MRPS22: variants seen among roughly 807,000 people sequenced by gnomAD.
The protein encoded by MRPS22 is mitochondrial ribosomal protein S22.
MRPS22 carries 30 observed loss-of-function variants against 44.0 expected under a neutral mutation model. That is an observed-to-expected ratio of 0.68 (90% confidence interval 0.51 to 0.93). The LOEUF is 0.93. Ranked by LOEUF, MRPS22 falls within the 40% of genes least tolerant of loss-of-function variation. The pLI is 0.00. For synonymous variants in MRPS22, 165 were observed against 154.4 expected (o/e 1.07, Z -0.51); for missense variants, 447 against 447.8 (o/e 1.00, Z 0.02).
At chr3:139,352,833 C>T (rs1941179197) in intron 6 of MRPS22, 41 bp downstream of exon 6, 1 of 1,590,056 alleles carries the variant, frequency 6.3e-7, no homozygotes, top group South Asian at 1.1e-5. Flanking sequence ...ATTCTTATTG[C>T]TCTAACAGTT....
intron 6 of MRPS22, among the ~76,000 whole-genome samples, chr3:139,353,534 TG>T (rs1941188904): frequency 6.6e-6 from 1 of 152,106 alleles, no homozygotes; most frequent in Non-Finnish European, 1.5e-5. Flanking sequence ...ACCTTCAGAC[TG>T]TTAGTTTTTG....
At position 139,344,260 on chromosome 3, in the gene MRPS22, G is replaced by A. The variant is rs549504611; in HGVS notation, c.172+62G>A. On this transcript the variant is annotated intron_variant, in intron 1 of 7. Transcript: ENST00000680020. ...CTGGGAGACGTAGATCCTGTTTCTG[G>A]CAGGCGAAAACCACGCGATAGCCCC... 2.6e-6 allele frequency: 4 copies of A among 1,540,058 alleles called. No individual in the cohort carries two copies. The African/African-American group carries it at 5.4e-5, about 21-fold the overall frequency.
intron 6 of MRPS22, among the ~76,000 whole-genome samples, chr3:139,353,522 C>T (rs1941188626): frequency 6.6e-6 from 1 of 152,152 alleles, no homozygotes; most frequent in African/African-American, 2.4e-5. Context: ...GAGATTATTG[C>T]CACCTTCAGA....
rs1490425867 is a variant in MRPS22 at position 139,344,182 on chromosome 3, G to A, written c.156G>A (p.Arg52=). The change falls in exon 1 of 8, where the codon CGG becomes CGA. Residue 52 remains arginine (R), a synonymous_variant. Transcript: ENST00000680020. The part of the protein sequence containing the change: ...CSFEMGLPRR[R]FSSEAAESGS... ...TCGAGATGGGGCTGCCACGCCGCCG[G>A]TTCAGCTCCGAGGCCGGTAAGTGAC... The A allele has an allele frequency of 1.2e-6, 2 of 1,610,290 alleles. No homozygotes were observed. Among genetic ancestry groups the A allele is most frequent in the East Asian group, 2.2e-5 (1 of 44,780 alleles).
intron 1 of MRPS22, among the ~76,000 whole-genome samples, chr3:139,345,463 T>G (rs868112575): frequency 1.1e-4 from 17 of 148,942 alleles, no homozygotes; most frequent in African/African-American, 3.7e-4. Context: ...TTTTTTTTTT[T>G]TTTGTAAAAT....
chr3:139,354,250 T>C lies in MRPS22; in HGVS notation c.879-1432T>C, dbSNP rs1941204154. Among the ~76,000 whole-genome samples the C allele has an allele frequency of 2.0e-5, 3 of 152,230 alleles. No homozygotes were observed. In the South Asian group the frequency reaches 6.2e-4, roughly 31 times the overall value. ...TCAGTTCCCACTGTTGGTTTTTATA[T>C]TGAGATTATTTTAAAATCTTTTCGA... On this transcript the variant is annotated intron_variant, in intron 6 of 7. Coordinates refer to ENST00000680020, the MANE Select transcript of MRPS22 (RefSeq NM_020191.4).
At chr3:139,354,221 A>G (rs528119806) in intron 6 of MRPS22, among the ~76,000 whole-genome samples, 22 of 152,388 alleles carry the variant, frequency 1.4e-4, no homozygotes, top group African/African-American at 5.0e-4. Flanking sequence ...CATTTATTCC[A>G]GACTCAGTTC....
Position 139,355,669 on chromosome 3 carries a change from C to A in MRPS22, c.879-13C>A, listed in dbSNP as rs1375134414. 3.7e-6 allele frequency: 6 copies of A among 1,607,094 alleles called. No homozygotes were observed. Among genetic ancestry groups the A allele is most frequent in the Non-Finnish European group, 5.1e-6 (6 of 1,173,724 alleles). ...GAAAACCCCTAGATAACATTAAACC[C>A]TTTCATTCTCAGAATCGATGATGCA... On this transcript the variant is annotated splice_polypyrimidine_tract_variant and intron_variant, in intron 6 of 7. Transcript: ENST00000680020.
At chr3:139,352,894 A>G in intron 6 of MRPS22, 102 bp downstream of exon 6, 1 of 1,239,848 alleles carries the variant, frequency 8.1e-7, no homozygotes, top group East Asian at 2.4e-5. Context: ...TGTACTGTCT[A>G]GTGCTTGCTT....
At chr3:139,345,771 A>G (rs527720803) in intron 1 of MRPS22, among the ~76,000 whole-genome samples, 2 of 152,264 alleles carry the variant, frequency 1.3e-5, no homozygotes, top group African/African-American at 4.8e-5. Flanking sequence ...GACAAGGGAA[A>G]GTTGATGGGT....
chr3:139,356,989 T>G lies in MRPS22; in HGVS notation c.1058T>G (p.Leu353Arg), dbSNP rs1367673587. ...ACACTGCAGACTTATCAAGAAGCAC[T>G]CAGTCGCCATTCTGCAGCTTCCTAA... The part of the protein sequence containing the change: ...ELTLQTYQEA[L>R]SRHSAAS Residue 353 changes from leucine to arginine, a missense_variant, in exon 8 of 8, where the codon CTC becomes CGC. Coordinates refer to ENST00000680020, the MANE Select transcript of MRPS22 (RefSeq NM_020191.4). The G allele has an allele frequency of 6.2e-7, 1 of 1,612,266 alleles. No individual in the cohort carries two copies. Among genetic ancestry groups the G allele is most frequent in the Non-Finnish European group, 8.5e-7 (1 of 1,179,026 alleles).
At chr3:139,350,504 T>G (rs1017058780) in intron 4 of MRPS22, 182 bp downstream of exon 4, 4 of 617,088 alleles carry the variant, frequency 6.5e-6, no homozygotes, top group Non-Finnish European at 1.1e-5. Flanking sequence ...CTCAGCTCAC[T>G]GCAACCTCCA....
intron 5 of MRPS22, 43 bp from the exon 6 acceptor site, chr3:139,352,601 ACTT>A (rs760001673): frequency 1.9e-6 from 3 of 1,573,292 alleles, no homozygotes; most frequent in Admixed American, 1.7e-5. Context: ...AATGCTGCAT[ACTT>A]CTTATTTTCA....
rs371203445 is a variant in MRPS22, at chr3:139,348,183, A to G, written c.363A>G (p.Ala121=). Residue 121 remains alanine, a synonymous_variant, in exon 3 of 8, where the codon GCA becomes GCG. Coordinates refer to ENST00000680020, the MANE Select transcript of MRPS22 (RefSeq NM_020191.4). Reference sequence around the variant, plus strand: ...AGGCTACAAGACAGGCAGTTGAGGCAGCTAAAGTACGATTAAAAATGCCAC... The same window carrying G: ...AGGCTACAAGACAGGCAGTTGAGGCGGCTAAAGTACGATTAAAAATGCCAC... The part of the protein sequence containing the change: ...LEEATRQAVE[A]AKVRLKMPPV... The G allele has an allele frequency of 6.2e-6, 10 of 1,614,052 alleles. No homozygotes were observed. The highest frequency in any genetic ancestry group is 1.3e-5 in the African/African-American group (1 of 74,944).
rs1355941150 is a variant in MRPS22, at chr3:139,356,939, A to C, written c.1008A>C (p.Ala336=). The change falls in exon 8 of 8, where the codon GCA becomes GCC. Residue 336 remains alanine (A), a synonymous_variant. Transcript: ENST00000680020. ...AACAGGTCTTTGCAAAAACAGAAGC[A>C]CAGAAGGGAGCCTATATAGAACTAA... is the stretch of plus-strand genomic sequence containing the variant. ...NLIKVFAKTE[A]QKGAYIELTL... is the part of the protein sequence containing the mutation. 6.2e-7 allele frequency: 1 copy of C among 1,612,994 alleles called. No individual in the cohort carries two copies. The highest frequency in any genetic ancestry group is 1.1e-5 in the South Asian group (1 of 90,780).
At chr3:139,349,262 T>C (rs1276133869) in intron 3 of MRPS22, 3 of 429,890 alleles carry the variant, frequency 7.0e-6, no homozygotes, top group African/African-American at 6.3e-5. Context: ...TTTCTCAAAT[T>C]ACCAAAATCC....
At chr3:139,348,417 G>C in intron 3 of MRPS22, 93 bp downstream of exon 3, 1 of 1,286,374 alleles carries the variant, frequency 7.8e-7, no homozygotes, top group South Asian at 1.2e-5. Flanking sequence ...TCTCTGATGC[G>C]TCCAAACCAG....
chr3:139,351,265 G>A (rs1430366588), intron 5 of MRPS22: 4 of 570,212 alleles, frequency 7.0e-6, no homozygotes, highest in Non-Finnish European at 1.3e-5. Flanking sequence ...ATTTAAGCTT[G>A]TAGAATTAAG....
In MRPS22 at chr3:139,348,400, C is replaced by T. The variant is rs111283767; in HGVS notation, c.504+76C>T. 17 of 1,462,686 alleles carry T rather than the reference C, an allele frequency of 1.2e-5. No individual in the cohort carries two copies. In the African/African-American group the frequency reaches 1.8e-4, roughly 15 times the overall value. The allele number at this position is 1,462,686 out of a possible 1,614,324, so 90.6% of individuals were successfully genotyped here. A position where few individuals can be genotyped will look rare whatever the true frequency, so the allele number is the denominator to read the frequency against. On this transcript the variant is annotated intron_variant, in intron 3 of 7. Coordinates refer to ENST00000680020, the MANE Select transcript of MRPS22 (RefSeq NM_020191.4). ...AGAAGGGCTTGAGAGATGATGTGAC[C>T]TGGCTGTCTCTGATGCGTCCAAACC...
Sources: gnomAD v4.1 joint callset for allele counts (sites outside exome capture counted in the v4.1 genomes callset) on GRCh38, gnomAD v4.1.1 for gene constraint, MANE v1.5 for transcripts, NCBI Gene and HGNC (gene_info 2026-07-23, HGNC 2026-07-21) for gene names.